Variants in MAP4K3 observed in about 807,000 individuals in gnomAD.
MAP4K3 encodes the protein mitogen-activated protein kinase kinase kinase kinase 3, also known as MAPK/ERK kinase kinase kinase 3.
Under a neutral mutation model 143.5 loss-of-function variants are expected in MAP4K3, and 94 were observed. The ratio of observed to expected loss-of-function variants is 0.65; its 90% confidence interval spans 0.55 to 0.78. The LOEUF (loss-of-function observed/expected upper bound fraction) is 0.78, where lower values mean the gene tolerates loss of function less well. MAP4K3 is among the 30% of genes least tolerant of loss of function. MAP4K3 has a pLI of 0.00. For synonymous variants in MAP4K3, 416 were observed against 347.2 expected (o/e 1.20, Z -2.20); for missense variants, 1,077 against 1,068.1 (o/e 1.01, Z -0.12).
At position 39,293,223 on chromosome 2, in the gene MAP4K3, A is replaced by C. The variant is rs766931836; in HGVS notation, c.1217+7T>G. 2.7e-5 allele frequency: 42 copies of C among 1,542,646 alleles called. No individual in the cohort carries two copies. The African/African-American group carries it at 4.2e-4, about 15-fold the overall frequency. ...TAAAGTACTTTAAGATTAAAAATTA[A>C]AATTACCGCTGATGCAATTCTTCTT... On this transcript the variant is annotated splice_region_variant and intron_variant, in intron 17 of 33. Coordinates refer to ENST00000263881, the MANE Select transcript of MAP4K3 (RefSeq NM_003618.4).
At chr2:39,414,246 A>G (rs1016636010) in intron 1 of MAP4K3, among the ~76,000 whole-genome samples, 4 of 152,198 alleles carry the variant, frequency 2.6e-5, no homozygotes, top group Non-Finnish European at 5.9e-5. Context: ...AGATCACTGC[A>G]CCCCAGATGC....
intron 18 of MAP4K3, among the ~76,000 whole-genome samples, chr2:39,291,106 G>C (rs1682026932): frequency 6.6e-6 from 1 of 152,104 alleles, no homozygotes; most frequent in Non-Finnish European, 1.5e-5. Flanking sequence ...GTGTTATTTA[G>C]TTGCAAATAG....
intron 15 of MAP4K3, among the ~76,000 whole-genome samples, chr2:39,306,009 T>C (rs894771823): frequency 1.5e-4 from 23 of 152,232 alleles, no homozygotes; most frequent in Admixed American, 7.8e-4. Flanking sequence ...TTTGTATTTT[T>C]AGTAGAGACA....
At chr2:39,429,390 CACTA>C (rs1033515256) in intron 1 of MAP4K3, among the ~76,000 whole-genome samples, 6 of 152,204 alleles carry the variant, frequency 3.9e-5, no homozygotes, top group East Asian at 3.9e-4. Context: ...CTCAATTCTC[CACTA>C]ACTGAGTGAC....
At chr2:39,356,995 G>A (rs1665628747) in intron 2 of MAP4K3, among the ~76,000 whole-genome samples, 1 of 152,198 alleles carries the variant, frequency 6.6e-6, no homozygotes, top group Non-Finnish European at 1.5e-5. Flanking sequence ...TGGATTACCA[G>A]ATGGCCCACA....
chr2:39,417,842 T>G (rs1667427519), intron 1 of MAP4K3, among the ~76,000 whole-genome samples: 1 of 152,120 alleles, frequency 6.6e-6, no homozygotes, highest in Non-Finnish European at 1.5e-5. Context: ...TGTCTGCTTA[T>G]CAGGCTAGGG....
chr2:39,312,573 A>C (rs1682978218), intron 13 of MAP4K3, among the ~76,000 whole-genome samples: 1 of 152,202 alleles, frequency 6.6e-6, no homozygotes, highest in Non-Finnish European at 1.5e-5. Flanking sequence ...CATAAGGAAA[A>C]AAACAGTTGA....
chr2:39,375,769 C>T (rs1008310535), intron 2 of MAP4K3, among the ~76,000 whole-genome samples: 2 of 152,178 alleles, frequency 1.3e-5, no homozygotes, highest in African/African-American at 4.8e-5. Flanking sequence ...ACCTCGTCCC[C>T]AGCTCACCAG....
intron 2 of MAP4K3, among the ~76,000 whole-genome samples, chr2:39,375,094 C>G (rs145699522): frequency 6.6e-6 from 1 of 152,074 alleles, no homozygotes. Flanking sequence ...GACCCTGTCT[C>G]TACAAAAAAT....
At chr2:39,279,871 TA>T in intron 23 of MAP4K3, among the ~76,000 whole-genome samples, 1 of 152,254 alleles carries the variant, frequency 6.6e-6, no homozygotes. Flanking sequence ...GGGGATTGCA[TA>T]AGGCCAGAAG....
chr2:39,363,547 T>C (rs1328515629), intron 2 of MAP4K3, among the ~76,000 whole-genome samples: 2 of 151,546 alleles, frequency 1.3e-5, no homozygotes, highest in African/African-American at 4.8e-5. Flanking sequence ...CAGGTGTCTG[T>C]AATCCCAGGT....
intron 13 of MAP4K3, among the ~76,000 whole-genome samples, chr2:39,314,943 G>GAA: frequency 1.3e-5 from 2 of 152,174 alleles, no homozygotes; most frequent in Non-Finnish European, 2.9e-5. Context: ...GAATGACGTG[G>GAA]GAGCTTGTTA....
intron 1 of MAP4K3, among the ~76,000 whole-genome samples, chr2:39,436,134 G>C (rs902273177): frequency 6.6e-6 from 1 of 152,154 alleles, no homozygotes; most frequent in Non-Finnish European, 1.5e-5. Flanking sequence ...CCAGGGAAGA[G>C]TGATTTATCT....
intron 1 of MAP4K3, among the ~76,000 whole-genome samples, chr2:39,424,868 A>G (rs1471560529): frequency 6.6e-6 from 1 of 150,752 alleles, no homozygotes; most frequent in Non-Finnish European, 1.5e-5. Flanking sequence ...ACCTACAAGC[A>G]CAAGAGGATA....
intron 24 of MAP4K3, 49 bp downstream of exon 24, chr2:39,278,358 T>C (rs773071255): frequency 2.2e-5 from 24 of 1,101,080 alleles, no homozygotes; most frequent in Admixed American, 4.4e-5. Flanking sequence ...AATGTGTACT[T>C]ATGGTAACTT....
intron 31 of MAP4K3, 72 bp from the exon 32 acceptor site, chr2:39,254,592 C>CT: frequency 9.7e-7 from 1 of 1,028,016 alleles, no homozygotes; most frequent in Non-Finnish European, 1.5e-6. Context: ...TTTCATCCCT[C>CT]TATCTCATAC....
intron 1 of MAP4K3, among the ~76,000 whole-genome samples, chr2:39,406,913 A>G (rs1667112497): frequency 1.3e-5 from 2 of 152,348 alleles, no homozygotes; most frequent in Middle Eastern, 6.8e-3. Flanking sequence ...GGCTAGCATT[A>G]TTCTGATAAC....
At chr2:39,400,061 T>C (rs987038040) in intron 1 of MAP4K3, among the ~76,000 whole-genome samples, 2 of 152,152 alleles carry the variant, frequency 1.3e-5, no homozygotes, top group Admixed American at 6.6e-5. Context: ...CCGACATCCA[T>C]GTACCTCAAA....
intron 1 of MAP4K3, among the ~76,000 whole-genome samples, chr2:39,391,358 C>CAAAAAAAAAAAAA (rs755777714): frequency 4.2e-4 from 19 of 45,412 alleles, no homozygotes; most frequent in African/African-American, 5.7e-4. Context: ...GACTCCATCT[C>CAAAAAAAAAAAAA]AAAAAAAAAA....
Sources: allele counts gnomAD v4.1 joint callset (sites outside exome capture counted in the v4.1 genomes callset), GRCh38; gene constraint gnomAD v4.1.1; transcripts MANE v1.5; gene names NCBI Gene and HGNC (gene_info 2026-07-23, HGNC 2026-07-21).